Variants in USP7 observed in about 807,000 individuals in gnomAD.
USP7 encodes ubiquitin C-terminal hydrolase 7.
In USP7, 9 loss-of-function variants were observed where a neutral mutation model predicts 162.9. The observed-to-expected ratio is 0.06, with a 90% confidence interval of 0.03 to 0.10. The LOEUF (loss-of-function observed/expected upper bound fraction) is 0.10, where lower values mean the gene tolerates loss of function less well. USP7 is among the 10% of genes least tolerant of loss of function. USP7 has a pLI of 1.00. For missense variants in USP7, 715 were observed against 1,373.7 expected (o/e 0.52, Z 7.58); for synonymous variants, 562 against 475.9 (o/e 1.18, Z -2.35).
At chr16:8,929,845 T>C (rs1456809543) in intron 2 of USP7, among the ~76,000 whole-genome samples, 1 of 152,206 alleles carries the variant, frequency 6.6e-6, no homozygotes, top group Non-Finnish European at 1.5e-5. Flanking sequence ...AAAGCTTGAA[T>C]CTGATTTCAT....
chr16:8,920,215 G>C (rs1481328881), intron 5 of USP7, 144 bp downstream of exon 5: 1 of 671,126 alleles, frequency 1.5e-6, no homozygotes, highest in Non-Finnish European at 2.6e-6. Context: ...GTGTCAAGCA[G>C]GTGTGACTCT....
chr16:8,912,201 C>T (rs1482606419), intron 10 of USP7, among the ~76,000 whole-genome samples: 1 of 152,178 alleles, frequency 6.6e-6, no homozygotes, highest in Non-Finnish European at 1.5e-5. Context: ...CCTGTAATCC[C>T]AGCACTTTGG....
chr16:8,894,669 G>T, intron 29 of USP7, 29 bp from the exon 30 acceptor site: 1 of 1,611,010 alleles, frequency 6.2e-7, no homozygotes, highest in Non-Finnish European at 8.5e-7. Context: ...AAACTCCTCC[G>T]TTATTTCTGT....
intron 21 of USP7, chr16:8,900,069 C>A: frequency 2.3e-6 from 1 of 433,376 alleles, no homozygotes; most frequent in Non-Finnish European, 4.1e-6. Context: ...GTCTTGCCCA[C>A]AGACCTGACA....
chr16:8,905,461 T>C (rs2061845209), intron 13 of USP7, 130 bp from the exon 14 acceptor site: 1 of 1,129,754 alleles, frequency 8.9e-7, no homozygotes, highest in African/African-American at 1.5e-5. Flanking sequence ...TCCATGTGTG[T>C]TCTTATACAG....
intron 1 of USP7, among the ~76,000 whole-genome samples, chr16:8,944,888 G>C (rs1412458368): frequency 7.0e-6 from 1 of 142,762 alleles, no homozygotes; most frequent in African/African-American, 2.9e-5. Context: ...GGGGCAGATC[G>C]AATGAGGTCA....
In USP7 at chr16:8,900,604, T is replaced by A; in HGVS notation, c.2235A>T (p.Arg745Ser). 1 of 1,610,822 alleles carries A rather than the reference T, an allele frequency of 6.2e-7. No homozygotes were observed. Among genetic ancestry groups the A allele is most frequent in the Non-Finnish European group, 8.5e-7 (1 of 1,179,362 alleles). ...YEEVKPNLTE[R>S]IQDYDVSLDK... ...CAAGAGACACGTCATAGTCCTGAAT[T>A]CTCTCTGTTAAATTCGGTTTAACTT... The change falls in exon 21 of 31, where the codon AGA becomes AGT. Residue 745 changes from arginine to serine, a missense_variant. By Grantham distance (110) the Arg-to-Ser change is moderately radical. Around this residue, in one of 11 missense-constraint regions of USP7, gnomAD observed 222 missense variants for 441.7 expected, o/e 0.50. Transcript: ENST00000344836.
intron 1 of USP7, among the ~76,000 whole-genome samples, chr16:8,931,249 C>T (rs1347416253): frequency 6.6e-6 from 1 of 151,358 alleles, no homozygotes; most frequent in South Asian, 2.1e-4. Flanking sequence ...AGTGCAGTGG[C>T]GCAATCTCAG....
At position 8,893,727 on chromosome 16, in the gene USP7, C is replaced by G. The variant is rs1230205441; in HGVS notation, c.*271G>C. On this transcript the variant is annotated 3_prime_UTR_variant, in exon 31 of 31. Transcript: ENST00000344836. ...ACCCCCGATCCACTAACCTCTTCTCCCCCATTGCGCTGACAGTTGCCTTGC... is the reference window on the plus strand; with the variant it reads ...ACCCCCGATCCACTAACCTCTTCTCGCCCATTGCGCTGACAGTTGCCTTGC... 1 of 392,454 alleles carries G rather than the reference C, an allele frequency of 2.5e-6. No individual in the cohort carries two copies. The highest frequency in any genetic ancestry group is 2.0e-5 in the African/African-American group (1 of 48,786). 24.3% of individuals were successfully genotyped at this position (392,454 alleles called of 1,614,324 possible).
At chr16:8,943,374 T>C (rs1899132628) in intron 1 of USP7, among the ~76,000 whole-genome samples, 1 of 151,526 alleles carries the variant, frequency 6.6e-6, no homozygotes, top group African/African-American at 2.4e-5. Flanking sequence ...AACAGGATTA[T>C]CTGCTCAACT....
At chr16:8,935,640 T>G (rs572042602) in intron 1 of USP7, 1 of 152,172 alleles carries the variant, frequency 6.6e-6, no homozygotes, top group Non-Finnish European at 1.5e-5. Flanking sequence ...ATAAAGCAAT[T>G]ACCATCCCAT....
intron 1 of USP7, among the ~76,000 whole-genome samples, chr16:8,943,031 T>C (rs551821368): frequency 6.6e-6 from 1 of 152,268 alleles, no homozygotes; most frequent in South Asian, 2.1e-4. Context: ...GGAGCCTGAG[T>C]GTTCAAAGTG....
intron 1 of USP7, among the ~76,000 whole-genome samples, chr16:8,948,634 G>C (rs1899401826): frequency 6.6e-6 from 1 of 152,188 alleles, no homozygotes; most frequent in Admixed American, 6.5e-5. Context: ...AGTTCCACAC[G>C]ATGGAATATT....
intron 25 of USP7, among the ~76,000 whole-genome samples, chr16:8,897,904 AG>A (rs934999190): frequency 1.3e-5 from 2 of 150,802 alleles, no homozygotes; most frequent in African/African-American, 4.9e-5. Flanking sequence ...GTCTCGAAAA[AG>A]AACCACCTAA....
chr16:8,914,570 A>T (rs183622728), intron 10 of USP7, among the ~76,000 whole-genome samples: 1 of 152,348 alleles, frequency 6.6e-6, no homozygotes. Context: ...AACAAAAATG[A>T]TCAAACTATG....
At chr16:8,907,806 T>A (rs1167106833) in intron 12 of USP7, among the ~76,000 whole-genome samples, 1 of 152,164 alleles carries the variant, frequency 6.6e-6, no homozygotes, top group East Asian at 1.9e-4. Flanking sequence ...ACAGCAAGAC[T>A]CTGTCTCAAA....
At chr16:8,921,009 G>A (rs1029035964) in intron 4 of USP7, 148 bp downstream of exon 4, 2 of 908,644 alleles carry the variant, frequency 2.2e-6, no homozygotes, top group African/African-American at 1.7e-5. Flanking sequence ...ATACGAAACT[G>A]GAGAAAACAT....
intron 1 of USP7, among the ~76,000 whole-genome samples, chr16:8,956,772 A>AAAAC (rs1163988618): frequency 2.5e-4 from 34 of 133,498 alleles, no homozygotes; most frequent in Non-Finnish European, 4.3e-4. Flanking sequence ...TAAAAAAACA[A>AAAAC]AAACAAAAAA....
intron 1 of USP7, among the ~76,000 whole-genome samples, chr16:8,951,530 T>C (rs1899549630): frequency 1.3e-5 from 2 of 152,112 alleles, no homozygotes; most frequent in South Asian, 2.1e-4. Context: ...AGAGAGCCCC[T>C]GGATATCCTA....
Sources: gnomAD v4.1 joint callset for allele counts (sites outside exome capture counted in the v4.1 genomes callset) on GRCh38, gnomAD v4.1.1 for gene constraint, gnomAD v4.1.1 regional missense constraint, MANE v1.5 for transcripts, NCBI Gene and HGNC (gene_info 2026-07-23, HGNC 2026-07-21) for gene names.